The following PRKD1 variants were observed in gnomAD, a reference collection of about 807,000 sequenced individuals.
The protein encoded by PRKD1 is protein kinase D1.
Under a neutral mutation model 95.9 loss-of-function variants are expected in PRKD1, and 63 were observed. The ratio of observed to expected loss-of-function variants is 0.66; its 90% confidence interval spans 0.54 to 0.81. The LOEUF is 0.81. Among genes scored for constraint, PRKD1 ranks in the 30% least tolerant of loss-of-function variants. The pLI is 0.00. For synonymous variants in PRKD1, 425 were observed against 423.1 expected, an observed-to-expected ratio of 1.00 and a Z score of -0.05; for missense variants, 1,048 against 1,165.3, an observed-to-expected ratio of 0.90 and a Z score of 1.47.
intron 13 of PRKD1, 54 bp downstream of exon 13, chr14:29,624,098 G>A (rs1040947341): frequency 1.5e-6 from 2 of 1,299,088 alleles, no homozygotes; most frequent in Non-Finnish European, 1.1e-6. Context: ...CTTTGCAGAA[G>A]TAAAGGATGA....
At chr14:29,587,744 C>T (rs1050377212) in intron 16 of PRKD1, among the ~76,000 whole-genome samples, 1 of 152,146 alleles carries the variant, frequency 6.6e-6, no homozygotes. Flanking sequence ...AAAAATCACT[C>T]TACTGGTAGA....
intron 16 of PRKD1, 67 bp downstream of exon 16, chr14:29,597,424 T>C (rs1893347756): frequency 2.9e-6 from 4 of 1,382,006 alleles, no homozygotes; most frequent in Non-Finnish European, 3.8e-6. Context: ...ACAATTAAAT[T>C]AATTTAAATT....
At chr14:29,820,459 A>G (rs73259588) in intron 1 of PRKD1, among the ~76,000 whole-genome samples, 8,000 of 152,292 alleles carry the variant, frequency 0.053, 449 homozygotes, top group African/African-American at 0.14. Context: ...TATTCAATAA[A>G]TATTTACTCC....
At chr14:29,655,816 G>A (rs1350937881) in intron 4 of PRKD1, among the ~76,000 whole-genome samples, 5 of 151,762 alleles carry the variant, frequency 3.3e-5, no homozygotes, top group African/African-American at 4.8e-5. Context: ...ATAATTAATA[G>A]ATTGTGATAA....
chr14:29,689,118 T>A (rs535021150), intron 2 of PRKD1, among the ~76,000 whole-genome samples: 2 of 151,584 alleles, frequency 1.3e-5, no homozygotes, highest in Admixed American at 1.3e-4. Context: ...ACAAATAGGA[T>A]CTAATCAAAC....
chr14:29,743,479 A>G (rs779793703), intron 1 of PRKD1, among the ~76,000 whole-genome samples: 2 of 152,208 alleles, frequency 1.3e-5, no homozygotes, highest in African/African-American at 4.8e-5. Context: ...ACCAAAAAAA[A>G]TTTTGATGTC....
chr14:29,812,740 T>C (rs1428227240), intron 1 of PRKD1, among the ~76,000 whole-genome samples: 1 of 152,174 alleles, frequency 6.6e-6, no homozygotes, highest in Non-Finnish European at 1.5e-5. Context: ...CCTCCACACA[T>C]GGGAATTACA....
chr14:29,589,260 C>T (rs1217544438), intron 16 of PRKD1, among the ~76,000 whole-genome samples: 1 of 152,192 alleles, frequency 6.6e-6, no homozygotes, highest in Non-Finnish European at 1.5e-5. Flanking sequence ...GGTCTGTCAT[C>T]ATTTTCCTAG....
At chr14:29,753,021 T>A (rs1027631045) in intron 1 of PRKD1, among the ~76,000 whole-genome samples, 1 of 151,684 alleles carries the variant, frequency 6.6e-6, no homozygotes, top group Non-Finnish European at 1.5e-5. Flanking sequence ...AATGAGGGTA[T>A]TGAAAGAGAA....
intron 1 of PRKD1, among the ~76,000 whole-genome samples, chr14:29,735,070 T>TG (rs1224915130): frequency 2.0e-5 from 3 of 152,200 alleles, no homozygotes; most frequent in Non-Finnish European, 4.4e-5. Context: ...TTTTCCTATT[T>TG]GTTTAGAGCA....
chr14:29,821,518 A>G (rs1289292647), intron 1 of PRKD1, among the ~76,000 whole-genome samples: 1 of 152,202 alleles, frequency 6.6e-6, no homozygotes, highest in East Asian at 1.9e-4. Context: ...ATAGAGACAG[A>G]GTTCAAGTTA....
intron 13 of PRKD1, among the ~76,000 whole-genome samples, chr14:29,608,300 AAAG>A (rs1878162016): frequency 6.6e-6 from 1 of 152,176 alleles, no homozygotes; most frequent in African/African-American, 2.4e-5. Flanking sequence ...ACAAATAAAA[AAAG>A]AATACTCATA....
intron 4 of PRKD1, among the ~76,000 whole-genome samples, chr14:29,663,170 T>TATATATATATATATATATA (rs1566522868): frequency 2.7e-5 from 4 of 145,600 alleles, no homozygotes; most frequent in South Asian, 2.1e-4. Context: ...TATATATATA[T>TATATATATATATATATATA]TCTAGAGCTA....
chr14:29,626,826 T>G (rs1241339178), intron 11 of PRKD1, among the ~76,000 whole-genome samples: 1 of 151,674 alleles, frequency 6.6e-6, no homozygotes, highest in Non-Finnish European at 1.5e-5. Flanking sequence ...GAGATTCTCC[T>G]GCCTCAGCCT....
At chr14:29,767,518 T>A (rs193130583) in intron 1 of PRKD1, among the ~76,000 whole-genome samples, 19 of 152,332 alleles carry the variant, frequency 1.2e-4, no homozygotes, top group Non-Finnish European at 2.4e-4. Flanking sequence ...TCCTATTTTC[T>A]TATTTTCAGG....
intron 1 of PRKD1, among the ~76,000 whole-genome samples, chr14:29,752,529 T>A (rs1445063082): frequency 6.6e-6 from 1 of 151,724 alleles, no homozygotes; most frequent in African/African-American, 2.4e-5. Flanking sequence ...TTATTTGCAT[T>A]CCTCCTCTTG....
intron 4 of PRKD1, among the ~76,000 whole-genome samples, chr14:29,646,744 C>T (rs147381288): frequency 7.2e-6 from 1 of 139,534 alleles, no homozygotes; most frequent in African/African-American, 2.8e-5. Flanking sequence ...AACAAACAAA[C>T]AAAAAACGAA....
intron 2 of PRKD1, among the ~76,000 whole-genome samples, chr14:29,676,018 T>A (rs12323423): frequency 7.1e-6 from 1 of 141,672 alleles, no homozygotes; most frequent in Admixed American, 7.2e-5. Context: ...TTAGGAGATA[T>A]ACCTAATGTA....
At chr14:29,645,306 GCTTAGATGATAGGAC>G (rs955663569) in intron 4 of PRKD1, among the ~76,000 whole-genome samples, 1 of 152,118 alleles carries the variant, frequency 6.6e-6, no homozygotes, top group African/African-American at 2.4e-5. Flanking sequence ...GCTTGTCTGT[GCTTAGATGATAGGAC>G]CTGAGTCATG....
Sources: gnomAD v4.1 joint callset for allele counts (sites outside exome capture counted in the v4.1 genomes callset) on GRCh38, gnomAD v4.1.1 for gene constraint, MANE v1.5 for transcripts, NCBI Gene and HGNC (gene_info 2026-07-23, HGNC 2026-07-21) for gene names.